The following IGSF21 variants were observed in gnomAD, a reference collection of about 807,000 sequenced individuals.
The protein encoded by IGSF21 is immunoglobin superfamily member 21.
A neutral mutation model predicts 46.8 loss-of-function variants in IGSF21; 28 were observed. The ratio of observed to expected loss-of-function variants is 0.60; its 90% confidence interval spans 0.44 to 0.82. The LOEUF (loss-of-function observed/expected upper bound fraction) is 0.82, where lower values mean the gene tolerates loss of function less well. Among genes scored for constraint, IGSF21 ranks in the 40% least tolerant of loss-of-function variants. The pLI is 0.00. For synonymous variants in IGSF21, 284 were observed against 273.6 expected, an observed-to-expected ratio of 1.04 and a Z score of -0.38; for missense variants, 624 against 665.5, an observed-to-expected ratio of 0.94 and a Z score of 0.69.
intron 1 of IGSF21, among the ~76,000 whole-genome samples, chr1:18,137,153 G>A (rs2086374345): frequency 6.6e-6 from 1 of 152,148 alleles, no homozygotes. Flanking sequence ...AAGTGAAGGG[G>A]GAGCAGGTGC....
chr1:18,169,125 G>A (rs1445880758), intron 1 of IGSF21, among the ~76,000 whole-genome samples: 2 of 152,210 alleles, frequency 1.3e-5, no homozygotes, highest in African/African-American at 4.8e-5. Context: ...GATGACTTTG[G>A]GGGAATTGCT....
In IGSF21 at chr1:18,339,142, G is replaced by A. The variant is rs919933040; in HGVS notation, c.424+4132G>A. 7.2e-5 allele frequency among the ~76,000 whole-genome samples: 11 copies of A among 152,192 alleles called. No homozygotes were observed. In the South Asian group the frequency reaches 1.7e-3, roughly 23 times the overall value. On this transcript the variant is annotated intron_variant, in intron 4 of 9. Transcript: ENST00000251296. ...AACCCACAGTTAATACCTCACAAAA[G>A]CCCTTGGATGTGGGCCTGGTCATCC...
At chr1:18,216,134 A>C (rs1156979433) in intron 1 of IGSF21, among the ~76,000 whole-genome samples, 1 of 152,194 alleles carries the variant, frequency 6.6e-6, no homozygotes, top group Non-Finnish European at 1.5e-5. Context: ...GACTCATATC[A>C]GTCAAGGAGG....
chr1:18,198,864 A>G (rs988715677), intron 1 of IGSF21, among the ~76,000 whole-genome samples: 1 of 152,108 alleles, frequency 6.6e-6, no homozygotes, highest in African/African-American at 2.4e-5. Context: ...GTTATTTACA[A>G]ATAATTCGAA....
At chr1:18,324,482 C>A (rs1016958289) in intron 3 of IGSF21, among the ~76,000 whole-genome samples, 9 of 152,190 alleles carry the variant, frequency 5.9e-5, no homozygotes, top group African/African-American at 2.2e-4. Context: ...TTCCCAGAAC[C>A]TTTGACGGAT....
At chr1:18,372,154 T>C (rs1367348911) in intron 6 of IGSF21, among the ~76,000 whole-genome samples, 4 of 152,148 alleles carry the variant, frequency 2.6e-5, no homozygotes, top group African/African-American at 7.2e-5. Flanking sequence ...GTTCACAGAG[T>C]ACAGGGCTCA....
At chr1:18,265,622 G>A (rs924466872) in intron 2 of IGSF21, among the ~76,000 whole-genome samples, 2 of 152,126 alleles carry the variant, frequency 1.3e-5, no homozygotes, top group Admixed American at 6.5e-5. Context: ...ACACCAGTCC[G>A]GTTTCCAGGC....
At chr1:18,376,526 T>TC (rs1261270400) in intron 7 of IGSF21, 131 bp downstream of exon 7, 1 of 780,452 alleles carries the variant, frequency 1.3e-6, no homozygotes, top group Non-Finnish European at 2.3e-6. Context: ...GGTTTCAGTT[T>TC]CCCAATGTGT....
At chr1:18,161,531 G>A (rs552130599) in intron 1 of IGSF21, among the ~76,000 whole-genome samples, 14 of 152,232 alleles carry the variant, frequency 9.2e-5, no homozygotes, top group South Asian at 2.1e-4. Flanking sequence ...GGCAGAGGCC[G>A]AAGCAGCTGC....
Position 18,377,013 on chromosome 1 carries a change from G to A in IGSF21, c.1294+21G>A, listed in dbSNP as rs557875258. The A allele has an allele frequency of 1.1e-5, 18 of 1,574,288 alleles. No individual in the cohort carries two copies. In the South Asian group the frequency reaches 2.1e-4, roughly 18 times the overall value. Reference sequence around the variant, plus strand: ...GTTTGGTATGGCGCGCTCAACTGGGGACTGGGAGAACAACCACAGGGGCGG... The same window carrying A: ...GTTTGGTATGGCGCGCTCAACTGGGAACTGGGAGAACAACCACAGGGGCGG... On this transcript the variant is annotated intron_variant, in intron 8 of 9. Transcript: ENST00000251296.
intron 1 of IGSF21, among the ~76,000 whole-genome samples, chr1:18,108,985 A>AGTGTGTGTGTGTGT (rs10686337): frequency 0.2 from 25,572 of 127,494 alleles, 3,162 homozygotes; most frequent in East Asian, 0.46. Flanking sequence ...TGAGCAGCTC[A>AGTGTGTGTGTGTGT]GTGTGTGTGT....
At position 18,334,337 on chromosome 1, in the gene IGSF21, C is replaced by T. The variant is rs1269984201; in HGVS notation, c.306-555C>T. Among the ~76,000 whole-genome samples the T allele has an allele frequency of 1.3e-5, 2 of 152,158 alleles. No homozygotes were observed. The highest frequency in any genetic ancestry group is 4.8e-5 in the African/African-American group (2 of 41,440). On this transcript the variant is annotated intron_variant, in intron 3 of 9. Transcript: ENST00000251296. The surrounding 1 kb of genome is among the most constrained non-coding windows in gnomAD (Gnocchi z 4.3). ...TTATTGTCTTTCTCTTCCATGATCT[C>T]AGGACTGGGCATGAAGTGGCAGCAT...
chr1:18,363,293 A>C (rs552790965), intron 5 of IGSF21, among the ~76,000 whole-genome samples: 2 of 152,320 alleles, frequency 1.3e-5, no homozygotes, highest in African/African-American at 4.8e-5. Flanking sequence ...GACGGGAGCC[A>C]AATGGTTCCC....
chr1:18,117,051 T>A (rs1403090937), intron 1 of IGSF21, among the ~76,000 whole-genome samples: 1 of 152,104 alleles, frequency 6.6e-6, no homozygotes, highest in Non-Finnish European at 1.5e-5. Flanking sequence ...CTGAGGGGAA[T>A]GGTTTAAAAG....
chr1:18,360,416 G>T (rs1287426772), intron 4 of IGSF21, among the ~76,000 whole-genome samples: 2 of 152,154 alleles, frequency 1.3e-5, no homozygotes, highest in Non-Finnish European at 2.9e-5. Flanking sequence ...TTGAAATAGA[G>T]TTGCCCGTGT....
intron 2 of IGSF21, among the ~76,000 whole-genome samples, chr1:18,229,738 G>A (rs1000555837): frequency 2.0e-5 from 3 of 152,210 alleles, no homozygotes; most frequent in African/African-American, 7.2e-5. Context: ...GTTAAATAGT[G>A]CCATGAACTG....
At chr1:18,243,539 C>G (rs1162432722) in intron 2 of IGSF21, among the ~76,000 whole-genome samples, 1 of 152,182 alleles carries the variant, frequency 6.6e-6, no homozygotes, top group Non-Finnish European at 1.5e-5. Context: ...TCCCCTCAGC[C>G]CCCAAATCCA....
chr1:18,212,656 T>C (rs2084404064), intron 1 of IGSF21, among the ~76,000 whole-genome samples: 1 of 152,212 alleles, frequency 6.6e-6, no homozygotes, highest in Non-Finnish European at 1.5e-5. Flanking sequence ...TATTGCTGAC[T>C]GCACCACCAG....
intron 1 of IGSF21, among the ~76,000 whole-genome samples, chr1:18,174,679 T>TCC (rs1490420032): frequency 6.6e-6 from 1 of 152,062 alleles, no homozygotes; most frequent in Non-Finnish European, 1.5e-5. Flanking sequence ...CATCGCCTTC[T>TCC]CCCCCCAGGG....
Sources: gnomAD v4.1 joint callset for allele counts (sites outside exome capture counted in the v4.1 genomes callset) on GRCh38, gnomAD v4.1.1 for gene constraint, Gnocchi (gnomAD v3.1) non-coding constraint, MANE v1.5 for transcripts, NCBI Gene and HGNC (gene_info 2026-07-23, HGNC 2026-07-21) for gene names.